CHMP2B: variants seen among roughly 807,000 people sequenced by gnomAD.
CHMP2B encodes VPS2 homolog B.
Under a neutral mutation model 29.8 loss-of-function variants are expected in CHMP2B, and 22 were observed. The ratio of observed to expected loss-of-function variants is 0.74; its 90% confidence interval spans 0.53 to 1.05. The LOEUF (loss-of-function observed/expected upper bound fraction) is 1.05, where lower values mean the gene tolerates loss of function less well. CHMP2B is among the 50% of genes least tolerant of loss of function. The pLI is 0.00. For missense variants in CHMP2B, 261 were observed against 252.2 expected, an observed-to-expected ratio of 1.03 and a Z score of -0.24; for synonymous variants, 78 against 75.8, an observed-to-expected ratio of 1.03 and a Z score of -0.15.
At chr3:87,245,138 C>G (rs1460372335) in intron 2 of CHMP2B, among the ~76,000 whole-genome samples, 1 of 152,070 alleles carries the variant, frequency 6.6e-6, no homozygotes, top group Admixed American at 6.6e-5. Context: ...AATATAGCCA[C>G]TCTAGATTGG....
intron 2 of CHMP2B, among the ~76,000 whole-genome samples, chr3:87,245,088 T>A (rs545463933): frequency 5.3e-5 from 8 of 152,322 alleles, no homozygotes; most frequent in South Asian, 2.1e-4. Flanking sequence ...TTTTTATTTC[T>A]GGTAGTATTC....
At chr3:87,228,399 T>G (rs1327580232) in intron 1 of CHMP2B, among the ~76,000 whole-genome samples, 1 of 152,220 alleles carries the variant, frequency 6.6e-6, no homozygotes, top group African/African-American at 2.4e-5. Flanking sequence ...ATTTAAAAAT[T>G]GTGTTCCCCA....
chr3:87,249,364 T>G (rs974323084), intron 3 of CHMP2B, among the ~76,000 whole-genome samples: 1 of 152,102 alleles, frequency 6.6e-6, no homozygotes, highest in African/African-American at 2.4e-5. Flanking sequence ...ATATATAATG[T>G]AAGAGAATTG....
At chr3:87,245,994 T>C in intron 3 of CHMP2B, 86 bp downstream of exon 3, 1 of 1,074,398 alleles carries the variant, frequency 9.3e-7, no homozygotes, top group Non-Finnish European at 1.4e-6. Context: ...TAAAAGCACC[T>C]CCTGGTGTAT....
intron 2 of CHMP2B, among the ~76,000 whole-genome samples, chr3:87,243,270 C>T (rs1388947960): frequency 1.3e-5 from 2 of 151,688 alleles, no homozygotes; most frequent in Admixed American, 6.6e-5. Flanking sequence ...AGGGACACAC[C>T]CCACTTGGTA....
intron 4 of CHMP2B, among the ~76,000 whole-genome samples, chr3:87,251,847 T>C (rs1266113059): frequency 9.0e-6 from 1 of 111,130 alleles, no homozygotes; most frequent in African/African-American, 3.6e-5. Flanking sequence ...ACTTCATTCA[T>C]TTTTTTTTTT....
chr3:87,252,655 G>A (rs764703177), intron 4 of CHMP2B, among the ~76,000 whole-genome samples: 1 of 151,518 alleles, frequency 6.6e-6, no homozygotes, highest in Non-Finnish European at 1.5e-5. Context: ...TTATACTCAA[G>A]TGTCAACTAC....
At chr3:87,229,976 A>G (rs1403212286) in intron 1 of CHMP2B, among the ~76,000 whole-genome samples, 4 of 152,226 alleles carry the variant, frequency 2.6e-5, no homozygotes, top group African/African-American at 4.8e-5. Context: ...AATGAGAGGT[A>G]TACCTCAAGA....
At chr3:87,232,667 A>T (rs1240220918) in intron 1 of CHMP2B, among the ~76,000 whole-genome samples, 1 of 152,130 alleles carries the variant, frequency 6.6e-6, no homozygotes, top group African/African-American at 2.4e-5. Flanking sequence ...AAAGACAGAC[A>T]TTTCCTTTCT....
At chr3:87,228,105 G>A (rs1705846455) in intron 1 of CHMP2B, among the ~76,000 whole-genome samples, 1 of 152,070 alleles carries the variant, frequency 6.6e-6, no homozygotes, top group Admixed American at 6.6e-5. Flanking sequence ...ATAAACCCAA[G>A]GGAAGTGCCC....
intron 1 of CHMP2B, 35 bp from the exon 2 acceptor site, chr3:87,240,664 C>A (rs753705761): frequency 1.4e-6 from 2 of 1,384,014 alleles, no homozygotes; most frequent in Non-Finnish European, 2.1e-6. Flanking sequence ...AATTTTACAA[C>A]CCATAAATTT....
chr3:87,232,217 T>A (rs1261668882), intron 1 of CHMP2B, among the ~76,000 whole-genome samples: 1 of 152,172 alleles, frequency 6.6e-6, no homozygotes, highest in Admixed American at 6.5e-5. Context: ...GATATTTGTA[T>A]ATGCTAGTTG....
chr3:87,239,178 T>C (rs1388955344), intron 1 of CHMP2B, among the ~76,000 whole-genome samples: 1 of 152,156 alleles, frequency 6.6e-6, no homozygotes, highest in Non-Finnish European at 1.5e-5. Context: ...ACCAAACTCT[T>C]ATCAGATATA....
At position 87,254,353 on chromosome 3, in the gene CHMP2B, CTTTTCTT is replaced by C. The variant is rs1340357681; in HGVS notation, c.*542_*548del. 6.5e-6 allele frequency: 1 copy of C among 153,846 alleles called. No homozygotes were observed. Among genetic ancestry groups the C allele is most frequent in the East Asian group, 1.9e-4 (1 of 5,234 alleles). The allele number at this position is 153,846 out of a possible 1,614,324, so 9.5% of individuals were successfully genotyped here. ...CTGTCTTAAACAAAAACTGTCATAA[CTTTTCTT>C]TTTTCTTTTTCCATTAGGAGAACAT... On this transcript the variant is annotated 3_prime_UTR_variant, in exon 6 of 6. Coordinates refer to ENST00000263780, the MANE Select transcript of CHMP2B (RefSeq NM_014043.4).
intron 1 of CHMP2B, among the ~76,000 whole-genome samples, chr3:87,237,322 A>ACCCATCTG (rs1303348586): frequency 6.6e-6 from 1 of 152,122 alleles, no homozygotes; most frequent in African/African-American, 2.4e-5. Flanking sequence ...ATAAAGTCAG[A>ACCCATCTG]TGGGGCCCTG....
chr3:87,235,356 A>G (rs1705985851), intron 1 of CHMP2B, among the ~76,000 whole-genome samples: 2 of 152,182 alleles, frequency 1.3e-5, no homozygotes, highest in Admixed American at 1.3e-4. Flanking sequence ...TTAGTTTTAT[A>G]GTATATTTCT....
chr3:87,251,528 A>G (rs1706312848), intron 4 of CHMP2B, among the ~76,000 whole-genome samples: 1 of 152,006 alleles, frequency 6.6e-6, no homozygotes, highest in Non-Finnish European at 1.5e-5. Context: ...AGTCTGTAAT[A>G]TAATTTAATG....
At position 87,249,913 on chromosome 3, in the gene CHMP2B, G is replaced by T; in HGVS notation, c.360G>T (p.Lys120Asn). 1.2e-6 allele frequency: 2 copies of T among 1,607,298 alleles called. No homozygotes were observed. The highest frequency in any genetic ancestry group is 2.2e-5 in the South Asian group (2 of 90,228). ...TTAACAAGAAGATGGATCCACAAAA[G>T]ACATTACAAACAATGCAGAATTTCC... ...QAVNKKMDPQ[K>N]TLQTMQNFQK... Residue 120 changes from lysine to asparagine, a missense_variant, in exon 4 of 6, where the codon AAG becomes AAT. Physicochemically the swap from Lys to Asn is moderately conservative, Grantham distance 94. Transcript: ENST00000263780.
Position 87,240,705 on chromosome 3 carries a change from TAAAG to T in CHMP2B, c.42_45del (p.Ile14MetfsTer14), listed in dbSNP as rs747894141. On this transcript the variant is annotated frameshift_variant, in exon 2 of 6. Transcript: ENST00000263780. LOFTEE classifies it high-confidence loss of function. ...TCTTTTGTGATTCTCCTAGATGTAA[TAAAG>T]GAACAGAATCGAGAGTTACGAGGTA... is the stretch of plus-strand genomic sequence containing the variant. The T allele has an allele frequency of 3.7e-6, 6 of 1,609,470 alleles. No individual in the cohort carries two copies. The highest frequency in any genetic ancestry group is 5.1e-6 in the Non-Finnish European group (6 of 1,175,890).
Sources: gnomAD v4.1 joint callset for allele counts (sites outside exome capture counted in the v4.1 genomes callset) on GRCh38, gnomAD v4.1.1 for gene constraint, MANE v1.5 for transcripts, NCBI Gene and HGNC (gene_info 2026-07-23, HGNC 2026-07-21) for gene names.